AP4S1: variants seen among roughly 807,000 people sequenced by gnomAD.
AP4S1 encodes AP-4 complex subunit sigma-1.
In AP4S1, 23 loss-of-function variants were observed where a neutral mutation model predicts 19.8. The ratio of observed to expected loss-of-function variants is 1.16; its 90% CI spans 0.84 to 1.65. AP4S1 has a LOEUF of 1.65. Ranked by LOEUF, AP4S1 falls within the 40% of genes most tolerant of loss-of-function variation. The pLI, the probability that AP4S1 is intolerant of heterozygous loss-of-function variation, is 0.00. For missense variants in AP4S1, 166 were observed against 172.8 expected (o/e 0.96, Z 0.22); for synonymous variants, 46 against 54.1 (o/e 0.85, Z 0.66).
intron 5 of AP4S1, chr14:31,085,597 G>A (rs1236980163): frequency 1.1e-6 from 1 of 876,898 alleles, no homozygotes; most frequent in Non-Finnish European, 1.4e-6. Context: ...AACATAGGGA[G>A]ACCCAGTCTC....
chr14:31,056,338 A>G (rs920152212), intron 1 of AP4S1, among the ~76,000 whole-genome samples: 6 of 151,254 alleles, frequency 4.0e-5, no homozygotes, highest in Admixed American at 1.3e-4. Context: ...CTGGCTACAT[A>G]CCATACTTGT....
chr14:31,058,517 CTGTGTGTGTATGTGTGTGTGTGTG>C (rs1382469969), intron 1 of AP4S1, among the ~76,000 whole-genome samples: 159 of 139,436 alleles, frequency 1.1e-3, no homozygotes, highest in African/African-American at 1.8e-3. Flanking sequence ...TTCCCCATCT[CTGTGTGTGTATGTGTGTGTGTGTG>C]TGTGTGTGTG....
At chr14:31,033,238 G>C (rs1483314825) in intron 1 of AP4S1, among the ~76,000 whole-genome samples, 1 of 151,756 alleles carries the variant, frequency 6.6e-6, no homozygotes, top group Non-Finnish European at 1.5e-5. Flanking sequence ...TTTTGAGATG[G>C]AGTCTCGCTC....
chr14:31,025,256 G>A (rs945325878), upstream of AP4S1: 1 of 152,758 alleles, frequency 6.5e-6, no homozygotes, highest in Non-Finnish European at 1.5e-5. Context: ...CACTAAGTAA[G>A]GAATAACTAC....
chr14:31,082,778 C>T (rs552327527), intron 5 of AP4S1, among the ~76,000 whole-genome samples: 1 of 152,210 alleles, frequency 6.6e-6, no homozygotes, highest in East Asian at 1.9e-4. Flanking sequence ...CGCCTGTAGT[C>T]CCAGCTACTT....
At chr14:31,084,405 A>G (rs1184280721) in intron 5 of AP4S1, among the ~76,000 whole-genome samples, 2 of 152,252 alleles carry the variant, frequency 1.3e-5, no homozygotes, top group African/African-American at 4.8e-5. Context: ...GACTTGTTTT[A>G]CTTCTAGTAA....
chr14:31,047,254 C>G (rs974378136), intron 1 of AP4S1, among the ~76,000 whole-genome samples: 1 of 152,012 alleles, frequency 6.6e-6, no homozygotes, highest in East Asian at 1.9e-4. Context: ...TCATCAGATT[C>G]ATGGTTTGCA....
At chr14:31,050,257 T>C (rs1885711792) in intron 1 of AP4S1, among the ~76,000 whole-genome samples, 1 of 152,186 alleles carries the variant, frequency 6.6e-6, no homozygotes, top group Non-Finnish European at 1.5e-5. Context: ...GGTTTCACCA[T>C]GTTAGCCAGG....
At chr14:31,062,521 A>G (rs1886495096) in intron 1 of AP4S1, among the ~76,000 whole-genome samples, 1 of 152,248 alleles carries the variant, frequency 6.6e-6, no homozygotes, top group African/African-American at 2.4e-5. Flanking sequence ...ATTTAAGTAC[A>G]TACCTCCTTG....
At chr14:31,026,692 G>T (rs1321066820) in intron 1 of AP4S1, 1 of 152,954 alleles carries the variant, frequency 6.5e-6, no homozygotes, top group African/African-American at 2.4e-5. Flanking sequence ...TGGAAGCGAG[G>T]CGGCCTTAGG....
In AP4S1 at chr14:31,049,424, AAAAAATATATATATAT is replaced by A. The variant is rs1383861726; in HGVS notation, c.-71-16700_-71-16685del. Among the ~76,000 whole-genome samples, 21 of 44,222 alleles carry A rather than the reference AAAAAATATATATATAT, an allele frequency of 4.7e-4. 1 individual carries two copies. Among genetic ancestry groups the A allele is most frequent in the African/African-American group, 2.9e-3 (21 of 7,334 alleles). The allele number at this position is 44,222 out of a possible 152,430, so 29.0% of individuals were successfully genotyped here. A position where few individuals can be genotyped will look rare whatever the true frequency, so the allele number is the denominator to read the frequency against. ...GCAAGACTCGGTCTCAAAAAAAAAA[AAAAAATATATATATAT>A]ATATATATATATATATATATATGTA... On this transcript the variant is annotated intron_variant, in intron 1 of 5. Transcript: ENST00000542754.
At chr14:31,088,848 C>T (rs997657218) in intron 5 of AP4S1, among the ~76,000 whole-genome samples, 1 of 144,344 alleles carries the variant, frequency 6.9e-6, no homozygotes, top group African/African-American at 2.6e-5. Context: ...TCAGTGGCCT[C>T]ATTAGCAAGA....
chr14:31,077,179 C>T lies in AP4S1; in HGVS notation c.295-3394C>T, dbSNP rs143897253. ...CTCGAACTCCCAACCTCAGGTGATC[C>T]GCCCGCCTCAGCCTCCCAAAGTGCT... On this transcript the variant is annotated intron_variant, in intron 4 of 5. Coordinates refer to ENST00000542754, the MANE Select transcript of AP4S1 (RefSeq NM_001128126.3). Among the ~76,000 whole-genome samples, 605 of 152,264 alleles carry T rather than the reference C, an allele frequency of 4.0e-3. 1 individual carries two copies. The highest frequency in any genetic ancestry group is 6.9e-3 in the Non-Finnish European group (466 of 68,002).
intron 5 of AP4S1, chr14:31,085,055 A>C (rs1468996168): frequency 2.1e-6 from 3 of 1,442,312 alleles, no homozygotes; most frequent in Non-Finnish European, 2.7e-6. Context: ...CTAGACTGGA[A>C]TGCAGCAGTA....
chr14:31,084,697 CTT>C lies in AP4S1; in HGVS notation c.306+4115_306+4116del. The C allele has an allele frequency of 1.9e-6, 3 of 1,604,084 alleles. No homozygotes were observed. In the South Asian group the frequency reaches 3.3e-5, roughly 18 times the overall value. ...TGTGAAGCCTGTTTCTACAGGGAGACTTTGCCCCATCACATACCTTGGTAGAT... is the reference window on the plus strand; with the variant it reads ...TGTGAAGCCTGTTTCTACAGGGAGACTGCCCCATCACATACCTTGGTAGAT... On this transcript the variant is annotated intron_variant, in intron 5 of 5. Transcript: ENST00000542754.
chr14:31,027,975 T>C (rs1259551292), intron 1 of AP4S1, among the ~76,000 whole-genome samples: 1 of 152,182 alleles, frequency 6.6e-6, no homozygotes, highest in Non-Finnish European at 1.5e-5. Context: ...CTATGGAGTA[T>C]GCACTACCAA....
Position 31,075,780 on chromosome 14 carries a change from C to T in AP4S1, c.294+2807C>T, listed in dbSNP as rs1361660262. ...TTGAGACGGAGTGTCGCTGTTGTTG[C>T]CCAGGCTGGAGTGCAATGGCGTGCT... On this transcript the variant is annotated intron_variant, in intron 4 of 5. Coordinates refer to ENST00000542754, the MANE Select transcript of AP4S1 (RefSeq NM_001128126.3). Among the ~76,000 whole-genome samples the T allele has an allele frequency of 1.6e-4, 23 of 145,970 alleles. No homozygotes were observed. In the Admixed American group the frequency reaches 1.6e-3, roughly 10 times the overall value.
intron 1 of AP4S1, among the ~76,000 whole-genome samples, chr14:31,065,721 C>G (rs751129653): frequency 2.0e-5 from 3 of 152,026 alleles, no homozygotes; most frequent in African/African-American, 7.2e-5. Flanking sequence ...AGTGCAGTGG[C>G]GCAATCTCGG....
At chr14:31,082,635 G>A (rs1248899747) in intron 5 of AP4S1, among the ~76,000 whole-genome samples, 1 of 152,148 alleles carries the variant, frequency 6.6e-6, no homozygotes, top group East Asian at 1.9e-4. Context: ...GGTGGCTCAC[G>A]CCTGTAATCC....
Sources: allele counts gnomAD v4.1 joint callset (sites outside exome capture counted in the v4.1 genomes callset), GRCh38; gene constraint gnomAD v4.1.1; transcripts MANE v1.5; gene names NCBI Gene and HGNC (gene_info 2026-07-23, HGNC 2026-07-21).